SPTA1: variants seen among roughly 807,000 people sequenced by gnomAD.
SPTA1 encodes the protein spectrin alpha chain, erythrocytic 1.
A neutral mutation model predicts 324.7 loss-of-function variants in SPTA1; 177 were observed. The observed-to-expected ratio is 0.55, with a 90% CI of 0.48 to 0.62. The LOEUF (loss-of-function observed/expected upper bound fraction) is 0.62. Among genes scored for constraint, SPTA1 ranks in the 20% least tolerant of loss-of-function variants. The probability of loss-of-function intolerance (pLI) is 0.00; values close to 1 mark genes in which losing one functional copy is unlikely to be tolerated. For missense variants in SPTA1, 3,162 were observed against 2,883.6 expected, an observed-to-expected ratio of 1.10 and a Z score of -2.21; for synonymous variants, 1,195 against 1,041.3, an observed-to-expected ratio of 1.15 and a Z score of -2.84.
chr1:158,636,173 G>T, intron 37 of SPTA1, 139 bp from the exon 38 acceptor site: 1 of 1,454,528 alleles, frequency 6.9e-7, no homozygotes, highest in Non-Finnish European at 9.5e-7. Context: ...GGTCCTGAAA[G>T]TCCAGGGAGA....
chr1:158,670,951 T>G (rs989165850), intron 12 of SPTA1, among the ~76,000 whole-genome samples: 1 of 151,586 alleles, frequency 6.6e-6, no homozygotes, highest in Non-Finnish European at 1.5e-5. Flanking sequence ...CTATTTACAC[T>G]GAAGAAAATA....
intron 12 of SPTA1, 144 bp from the exon 13 acceptor site, chr1:158,669,930 G>T (rs929133168): frequency 1.3e-6 from 1 of 771,622 alleles, no homozygotes; most frequent in Non-Finnish European, 2.2e-6. Flanking sequence ...CCTTATTCAG[G>T]TTTCTGTTAT....
chr1:158,643,914 A>C (rs1369334595), intron 30 of SPTA1, among the ~76,000 whole-genome samples: 1 of 152,078 alleles, frequency 6.6e-6, no homozygotes, highest in East Asian at 1.9e-4. Context: ...AGGTAGGTAG[A>C]TCACTTGAGG....
At chr1:158,679,725 TCA>T (rs1654659262) in intron 5 of SPTA1, among the ~76,000 whole-genome samples, 1 of 152,132 alleles carries the variant, frequency 6.6e-6, no homozygotes, top group South Asian at 2.1e-4. Flanking sequence ...ATCATCTGAT[TCA>T]CAGAGTCATT....
intron 16 of SPTA1, among the ~76,000 whole-genome samples, chr1:158,663,683 T>C (rs905665543): frequency 6.6e-6 from 1 of 152,166 alleles, no homozygotes; most frequent in African/African-American, 2.4e-5. Flanking sequence ...TCTCGTTTGT[T>C]CATTGGGTAT....
rs1307207118 is a variant in SPTA1, at chr1:158,672,039, G to T, written c.1488+20C>A. On this transcript the variant is annotated intron_variant, in intron 11 of 51. Transcript: ENST00000643759. ...GTGAGAGAAATTACTTCTAGAGATG[G>T]TATGGACCCCTCCCGTTACCTCTTG... 1.9e-6 allele frequency: 3 copies of T among 1,613,438 alleles called. No homozygotes were observed. Among genetic ancestry groups the T allele is most frequent in the Non-Finnish European group, 1.7e-6 (2 of 1,179,756 alleles).
In SPTA1 at chr1:158,685,463, T is replaced by G. The variant is rs929531792; in HGVS notation, c.25-116A>C. On this transcript the variant is annotated intron_variant, in intron 1 of 51. Transcript: ENST00000643759. ...GACCTATATTCAGATATCCTGAAGTTTCTAGGGACTATTGTCAGAAGAGCT... is the reference window on the plus strand; with the variant it reads ...GACCTATATTCAGATATCCTGAAGTGTCTAGGGACTATTGTCAGAAGAGCT... 1.7e-5 allele frequency: 24 copies of G among 1,405,096 alleles called. No homozygotes were observed. In the Admixed American group the frequency reaches 4.1e-4, roughly 24 times the overall value. The allele number at this position is 1,405,096 out of a possible 1,614,324, so 87.0% of individuals were successfully genotyped here. A position where few individuals can be genotyped will look rare whatever the true frequency, so the allele number is the denominator to read the frequency against.
intron 8 of SPTA1, among the ~76,000 whole-genome samples, chr1:158,675,939 G>A (rs1423974916): frequency 3.9e-5 from 6 of 152,118 alleles, no homozygotes. Context: ...GCTGGTAACT[G>A]AAACCACAGA....
chr1:158,681,958 T>A (rs748673776), intron 3 of SPTA1, among the ~76,000 whole-genome samples: 1 of 152,206 alleles, frequency 6.6e-6, no homozygotes, highest in Admixed American at 6.5e-5. Flanking sequence ...CATGGAAAAG[T>A]GTTCATTTGA....
At chr1:158,683,283 C>A in intron 3 of SPTA1, 88 bp downstream of exon 3, 1 of 1,585,454 alleles carries the variant, frequency 6.3e-7, no homozygotes, top group South Asian at 1.1e-5. Context: ...ATAAGCCAGC[C>A]ACTCAAGGTT....
intron 12 of SPTA1, 65 bp from the exon 13 acceptor site, chr1:158,669,851 T>C: frequency 6.6e-7 from 1 of 1,522,236 alleles, no homozygotes; most frequent in Non-Finnish European, 9.1e-7. Flanking sequence ...TGGCCATAGT[T>C]TGGGTAGCTG....
rs1557966751 is a variant in SPTA1 at position 158,657,464 on chromosome 1, AC to A, written c.2805+12del. ...GTTGAGGATTCACAATGTTAAACCC[AC>A]CCCCACCTTACCCCAGCTGCTTCTT... On this transcript the variant is annotated intron_variant, in intron 19 of 51. Transcript: ENST00000643759. 3.6e-6 allele frequency: 4 copies of A among 1,104,818 alleles called. No individual in the cohort carries two copies. The highest frequency in any genetic ancestry group is 1.2e-5 in the South Asian group (1 of 80,612). The allele number at this position is 1,104,818 out of a possible 1,614,324, so 68.4% of individuals were successfully genotyped here. A position where few individuals can be genotyped will look rare whatever the true frequency, so the allele number is the denominator to read the frequency against.
intron 43 of SPTA1, among the ~76,000 whole-genome samples, chr1:158,622,559 T>A (rs1303879390): frequency 1.3e-5 from 2 of 152,186 alleles, no homozygotes; most frequent in African/African-American, 4.8e-5. Context: ...AGATATTAAA[T>A]GACTTTTACA....
rs200533923 is a variant in SPTA1 at position 158,613,680 on chromosome 1, C to A, written c.6989+41G>T. 4 of 1,612,868 alleles carry A rather than the reference C, an allele frequency of 2.5e-6. No homozygotes were observed. The Admixed American group carries it at 6.7e-5, about 27-fold the overall frequency. On this transcript the variant is annotated intron_variant, in intron 50 of 51. Transcript: ENST00000643759. The stretch of plus-strand genomic sequence containing the variant: ...ACTCTCTGTGCTTCTCCCTCCAAAC[C>A]CCCATCCCTGCTGCGGTCTGACCCT...
chr1:158,612,417 C>T, intron 51 of SPTA1: 1 of 261,474 alleles, frequency 3.8e-6, no homozygotes, highest in Non-Finnish European at 7.5e-6. Flanking sequence ...GATGTGTTTG[C>T]TTCTGTTACA....
chr1:158,645,159 C>G, intron 29 of SPTA1, 29 bp downstream of exon 29: 1 of 1,612,962 alleles, frequency 6.2e-7, no homozygotes, highest in Non-Finnish European at 8.5e-7. Context: ...ACTACTGAAC[C>G]TGCTTAACAA....
intron 36 of SPTA1, among the ~76,000 whole-genome samples, chr1:158,637,259 T>G (rs545376165): frequency 1.3e-5 from 2 of 152,348 alleles, no homozygotes; most frequent in African/African-American, 4.8e-5. Flanking sequence ...AGTCGAAGAC[T>G]ACATGGACAA....
At chr1:158,640,505 A>G (rs1651472881) in intron 33 of SPTA1, among the ~76,000 whole-genome samples, 1 of 152,196 alleles carries the variant, frequency 6.6e-6, no homozygotes, top group Non-Finnish European at 1.5e-5. Context: ...AAAAATCACA[A>G]GCATTCTTAT....
intron 48 of SPTA1, 21 bp from the exon 49 acceptor site, chr1:158,614,327 A>C: frequency 7.0e-7 from 1 of 1,428,144 alleles, no homozygotes; most frequent in Non-Finnish European, 9.8e-7. Context: ...AAAAAAAAAC[A>C]TGAATTTTCC....
Sources: allele counts gnomAD v4.1 joint callset (sites outside exome capture counted in the v4.1 genomes callset), GRCh38; gene constraint gnomAD v4.1.1; transcripts MANE v1.5; gene names NCBI Gene and HGNC (gene_info 2026-07-23, HGNC 2026-07-21).